Variants in KCP observed in about 807,000 individuals in gnomAD.
KCP encodes the protein kielin/chordin-like protein.
KCP carries 194 observed loss-of-function variants against 212.7 expected under a neutral mutation model. The observed-to-expected ratio is 0.91, with a 90% CI of 0.81 to 1.03. The LOEUF is 1.03. Among genes scored for constraint, KCP ranks in the 50% least tolerant of loss-of-function variants. The probability of loss-of-function intolerance (pLI) is 0.00; values close to 1 mark genes in which losing one functional copy is unlikely to be tolerated. For missense variants in KCP, 2,080 were observed against 2,162.5 expected (o/e 0.96, Z 0.76); for synonymous variants, 833 against 865.3 (o/e 0.96, Z 0.65).
intron 2 of KCP, 26 bp downstream of exon 2, chr7:128,908,400 G>T: frequency 6.5e-7 from 1 of 1,541,594 alleles, no homozygotes; most frequent in Non-Finnish European, 8.8e-7. Flanking sequence ...CTTACCCAAT[G>T]CAAACCAGCA....
chr7:128,882,869 C>T (rs543420756), intron 29 of KCP, among the ~76,000 whole-genome samples: 118 of 152,138 alleles, frequency 7.8e-4, no homozygotes, highest in Admixed American at 1.2e-3. Context: ...GTCAGGAGTT[C>T]GAGACCAGCC....
rs1794033730 is a variant in KCP, at chr7:128,890,546, G to A, written c.2165-33C>T. The A allele has an allele frequency of 3.9e-6, 6 of 1,524,958 alleles. No individual in the cohort carries two copies. In the East Asian group the frequency reaches 1.2e-4, roughly 31 times the overall value. 94.5% of individuals were successfully genotyped at this position (1,524,958 alleles called of 1,614,324 possible). A position where few individuals can be genotyped will look rare whatever the true frequency, so the allele number is the denominator to read the frequency against. On this transcript the variant is annotated intron_variant, in intron 20 of 39. Transcript: ENST00000610776. ...GAAGGGCAGGGGCTGGGGGGCCGTG[G>A]GGACTAGAGGGCTGTGGGGACTTGG... is the stretch of plus-strand genomic sequence containing the variant.
At chr7:128,902,478 G>A (rs1794904049) in intron 8 of KCP, among the ~76,000 whole-genome samples, 1 of 152,168 alleles carries the variant, frequency 6.6e-6, no homozygotes, top group African/African-American at 2.4e-5. Flanking sequence ...GTCAAACCGT[G>A]ATTCCCCTAC....
rs1280641571 is a variant in KCP at position 128,903,747 on chromosome 7, T to A, written c.728A>T (p.His243Leu). 9.7e-6 allele frequency: 15 copies of A among 1,550,426 alleles called. No homozygotes were observed. In the African/African-American group the frequency reaches 2.1e-4, roughly 21 times the overall value. ...PCPEPVLRPG[H>L]CCPTCQGCTE... ...CTCACCTTGGCAGGTTGGGCAGCAG[T>A]GCCCAGGCCTCAGCACTGGCTCTGG... Residue 243 changes from histidine (H) to leucine (L), a missense_variant, in exon 7 of 40, where the codon CAC becomes CTC. By Grantham distance (99) the His-to-Leu change is moderately conservative (BLOSUM62 -3). Coordinates refer to ENST00000610776, the MANE Select transcript of KCP (RefSeq NM_001366122.1).
rs930121428 is a variant in KCP at position 128,890,772 on chromosome 7, G to C, written c.2164+133C>G. ...GGCTGGCTCCCAGGCCATGCTGACCGGACACTACATTCCTAACAAGATCCC... is the reference window on the plus strand; with the variant it reads ...GGCTGGCTCCCAGGCCATGCTGACCCGACACTACATTCCTAACAAGATCCC... On this transcript the variant is annotated intron_variant, in intron 20 of 39. Coordinates refer to ENST00000610776, the MANE Select transcript of KCP (RefSeq NM_001366122.1). The C allele has an allele frequency of 5.4e-4, 492 of 906,542 alleles. 3 individuals carry two copies. The highest frequency in any genetic ancestry group is 1.5e-4 in the Non-Finnish European group (92 of 620,928). The allele number at this position is 906,542 out of a possible 1,614,324, so 56.2% of individuals were successfully genotyped here. A position where few individuals can be genotyped will look rare whatever the true frequency, so the allele number is the denominator to read the frequency against.
At chr7:128,910,452 G>T in intron 1 of KCP, 149 bp downstream of exon 1, 1 of 682,780 alleles carries the variant, frequency 1.5e-6, no homozygotes, top group Non-Finnish European at 2.2e-6. Flanking sequence ...CTCCCCCGAC[G>T]GGGAGGACGG....
chr7:128,885,221 G>A lies in KCP; in HGVS notation c.2916C>T (p.Pro972=). The A allele has an allele frequency of 6.4e-7, 1 of 1,550,648 alleles. No homozygotes were observed. The highest frequency in any genetic ancestry group is 1.2e-5 in the South Asian group (1 of 84,048). Residue 972 remains proline, a synonymous_variant, in exon 27 of 40, where the codon CCC becomes CCT. Coordinates refer to ENST00000610776, the MANE Select transcript of KCP (RefSeq NM_001366122.1). ...EEHPEGSRWV[P]PDSACSSCVC... Reference sequence around the variant, plus strand: ...CACAGGAGGAGCAGGCACTGTCGGGGGGCACCCATCTACTGCCTTCGGGGT... The same window carrying A: ...CACAGGAGGAGCAGGCACTGTCGGGAGGCACCCATCTACTGCCTTCGGGGT...
chr7:128,884,950 C>A, intron 27 of KCP, 87 bp from the exon 28 acceptor site: 2 of 1,476,362 alleles, frequency 1.4e-6, no homozygotes, highest in South Asian at 1.2e-5. Context: ...CTCCAGCCTC[C>A]CCCTGATCCC....
rs1793070390 is a variant in KCP, at chr7:128,877,590, G to A, written c.4512C>T (p.Gly1504=). The A allele has an allele frequency of 1.3e-6, 2 of 1,551,652 alleles. No individual in the cohort carries two copies. The highest frequency in any genetic ancestry group is 2.0e-5 in the Admixed American group (1 of 51,014). The change falls in exon 39 of 40, where the codon GGC becomes GGT. Residue 1504 remains glycine, a synonymous_variant. Coordinates refer to ENST00000610776, the MANE Select transcript of KCP (RefSeq NM_001366122.1). ...GGCAGGCATCAGCGGAGGAGCCAGGGCCACAGGCACACAGGTCATACACAC... is the reference window on the plus strand; with the variant it reads ...GGCAGGCATCAGCGGAGGAGCCAGGACCACAGGCACACAGGTCATACACAC... The part of the protein sequence containing the change: ...AACVYDLCAC[G]PGSSADACLC...
intron 5 of KCP, 100 bp from the exon 6 acceptor site, chr7:128,904,238 G>T: frequency 6.5e-7 from 1 of 1,535,178 alleles, no homozygotes. Context: ...TGGACCCTTG[G>T]GGTTGAAGGG....
Position 128,881,062 on chromosome 7 carries a change from G to A in KCP, c.3448C>T (p.Arg1150Trp), listed in dbSNP as rs560295052. The A allele has an allele frequency of 3.8e-5, 15 of 398,890 alleles. No individual in the cohort carries two copies. Among genetic ancestry groups the A allele is most frequent in the Middle Eastern group, 6.3e-4 (1 of 1,588 alleles). The allele number at this position is 398,890 out of a possible 1,614,324, so 24.7% of individuals were successfully genotyped here. Reference protein sequence around the residue: ...CRECVVEAEGRRVADGESWRD... With the variant: ...CRECVVEAEGWRVADGESWRD... ...CAGCTCTCTCCATCTGCCACTCTCC[G>A]GCCCTCGGCCTCCACCACACATTCT... Residue 1150 changes from arginine to tryptophan, a missense_variant, in exon 32 of 40, where the codon CGG becomes TGG. Arg to Trp is a moderately radical substitution (Grantham distance 101). Transcript: ENST00000610776.
At chr7:128,880,298 T>C in intron 34 of KCP, 88 bp downstream of exon 34, 1 of 1,430,648 alleles carries the variant, frequency 7.0e-7, no homozygotes, top group Non-Finnish European at 9.3e-7. Context: ...GAGCCCAGCC[T>C]CCCTCTCTGA....
chr7:128,890,309 C>G (rs922539623), intron 21 of KCP, 34 bp downstream of exon 21: 5 of 1,551,386 alleles, frequency 3.2e-6, no homozygotes, highest in Admixed American at 2.0e-5. Flanking sequence ...CTCCCGCATC[C>G]CACCCCGGCA....
chr7:128,891,145 G>T (rs1794096229), intron 19 of KCP, 40 bp downstream of exon 19: 4 of 1,536,714 alleles, frequency 2.6e-6, no homozygotes, highest in Non-Finnish European at 3.5e-6. Flanking sequence ...GCCTCCGAGG[G>T]GACCCCCAGG....
chr7:128,886,442 G>T (rs1296184371), intron 26 of KCP, 22 bp downstream of exon 26: 2 of 1,532,062 alleles, frequency 1.3e-6, no homozygotes. Flanking sequence ...GAAGCAAGGG[G>T]TAGGGCTACA....
At chr7:128,901,025 G>C (rs948919907) in intron 8 of KCP, among the ~76,000 whole-genome samples, 6 of 152,146 alleles carry the variant, frequency 3.9e-5, no homozygotes, top group African/African-American at 1.4e-4. Context: ...CAAGATATAG[G>C]TCATAAAGAC....
chr7:128,877,730 G>C lies in KCP; in HGVS notation c.4372C>G (p.Arg1458Gly). The change falls in exon 39 of 40, where the codon CGG (arginine) becomes GGG (glycine). Residue 1458 changes from arginine to glycine, a missense_variant. Arg to Gly is a moderately radical substitution (Grantham distance 125). Transcript: ENST00000610776. ...CSAGREVDPC[R>G]AAGYRARREA... ...CGCCTGGCACGGTAACCTGCTGCCC[G>C]GCACGGATCCACCTCTCGGCCTGCA... 1.9e-6 allele frequency: 3 copies of C among 1,550,960 alleles called. No individual in the cohort carries two copies. The highest frequency in any genetic ancestry group is 2.6e-6 in the Non-Finnish European group (3 of 1,146,960).
At chr7:128,902,689 C>T in intron 8 of KCP, 88 bp downstream of exon 8, 1 of 1,246,278 alleles carries the variant, frequency 8.0e-7, no homozygotes. Context: ...CTCAACACCT[C>T]TGCGAAGTAC....
At chr7:128,908,399 T>C in intron 2 of KCP, 27 bp downstream of exon 2, 2 of 1,542,150 alleles carry the variant, frequency 1.3e-6, no homozygotes, top group Non-Finnish European at 1.8e-6. Context: ...CCTTACCCAA[T>C]GCAAACCAGC....
Sources: allele counts gnomAD v4.1 joint callset (sites outside exome capture counted in the v4.1 genomes callset), GRCh38; gene constraint gnomAD v4.1.1; transcripts MANE v1.5; gene names NCBI Gene and HGNC (gene_info 2026-07-23, HGNC 2026-07-21).